COL22A1: variants seen among roughly 807,000 people sequenced by gnomAD.
The protein encoded by COL22A1 is collagen alpha-1(XXII) chain.
In COL22A1, 221 loss-of-function variants were observed where a neutral mutation model predicts 248.9. That is an observed-to-expected ratio of 0.89 (90% CI 0.80 to 0.99). The LOEUF is 0.99. Ranked by LOEUF, COL22A1 falls within the 50% of genes least tolerant of loss-of-function variation. The pLI is 0.00. For synonymous variants in COL22A1, 891 were observed against 793.4 expected (o/e 1.12, Z -2.07); for missense variants, 2,240 against 2,179.0 (o/e 1.03, Z -0.56).
intron 36 of COL22A1, among the ~76,000 whole-genome samples, chr8:138,690,343 G>A (rs970930256): frequency 2.0e-5 from 3 of 152,250 alleles, no homozygotes; most frequent in Non-Finnish European, 2.9e-5. Flanking sequence ...GCAGAATCTC[G>A]TCAGGCCAAA....
At chr8:138,631,754 G>A (rs566783592) in intron 49 of COL22A1, among the ~76,000 whole-genome samples, 6 of 152,160 alleles carry the variant, frequency 3.9e-5, no homozygotes, top group Non-Finnish European at 2.9e-5. Flanking sequence ...TCAGTGAAAG[G>A]TTTTCTGCCT....
intron 18 of COL22A1, among the ~76,000 whole-genome samples, chr8:138,758,295 G>A (rs139237931): frequency 9.7e-4 from 148 of 152,298 alleles, no homozygotes; most frequent in African/African-American, 3.5e-3. Context: ...AGGAGAGATC[G>A]TGAAGCAGAA....
chr8:138,770,893 C>T (rs1034171186), intron 16 of COL22A1, among the ~76,000 whole-genome samples: 8 of 152,222 alleles, frequency 5.3e-5, no homozygotes, highest in Non-Finnish European at 1.0e-4. Context: ...CTCTTTCTCT[C>T]TATCCTCAAA....
chr8:138,601,428 CG>C (rs1818000087), intron 60 of COL22A1, among the ~76,000 whole-genome samples: 1 of 151,978 alleles, frequency 6.6e-6, no homozygotes, highest in Admixed American at 6.6e-5. Flanking sequence ...GGAAAACAAG[CG>C]GGGGTGGGCT....
chr8:138,608,078 GT>G, intron 56 of COL22A1, 89 bp from the exon 57 acceptor site: 2 of 1,174,572 alleles, frequency 1.7e-6, no homozygotes, highest in Non-Finnish European at 1.2e-6. Flanking sequence ...ACAGGACTTG[GT>G]TTTACACAGA....
At chr8:138,657,034 T>G (rs559113548) in intron 44 of COL22A1, among the ~76,000 whole-genome samples, 2 of 152,210 alleles carry the variant, frequency 1.3e-5, no homozygotes, top group South Asian at 2.1e-4. Flanking sequence ...GCCTGAAACG[T>G]GCTGGTGGGG....
chr8:138,802,829 C>A (rs764104991), intron 11 of COL22A1, 43 bp downstream of exon 11: 4 of 1,531,280 alleles, frequency 2.6e-6, no homozygotes, highest in South Asian at 1.1e-5. Flanking sequence ...CCCCCACGCC[C>A]GCCCTGAGGT....
rs115704187 is a variant in COL22A1, at chr8:138,858,982, G to A, written c.659-14824C>T. Among the ~76,000 whole-genome samples, 808 of 152,214 alleles carry A rather than the reference G, an allele frequency of 5.3e-3. 11 individuals carry two copies. Among genetic ancestry groups the A allele is most frequent in the African/African-American group, 0.018 (750 of 41,548 alleles). ...CCAGGAGGCCAGGCCTCGTCCCAGC[G>A]TTGACCCTAAGTCACTCCATGTCTG... On this transcript the variant is annotated intron_variant, in intron 3 of 64. Coordinates refer to ENST00000303045, the MANE Select transcript of COL22A1 (RefSeq NM_152888.3).
intron 3 of COL22A1, among the ~76,000 whole-genome samples, chr8:138,850,179 G>T (rs1821525685): frequency 6.6e-6 from 1 of 152,076 alleles, no homozygotes. Context: ...GGAGATTCCT[G>T]GCTTGCATTT....
chr8:138,649,851 G>T, intron 45 of COL22A1, 73 bp from the exon 46 acceptor site: 1 of 899,966 alleles, frequency 1.1e-6, no homozygotes, highest in South Asian at 1.8e-5. Flanking sequence ...AAGCAAAGTA[G>T]CCCTGGCTGC....
At chr8:138,869,827 C>A (rs1823181988) in intron 3 of COL22A1, among the ~76,000 whole-genome samples, 1 of 152,172 alleles carries the variant, frequency 6.6e-6, no homozygotes, top group African/African-American at 2.4e-5. Context: ...GGCTCCAAAC[C>A]CACAACCCAC....
chr8:138,905,296 T>C (rs1814926421), intron 1 of COL22A1, among the ~76,000 whole-genome samples: 1 of 152,170 alleles, frequency 6.6e-6, no homozygotes, highest in Admixed American at 6.5e-5. Flanking sequence ...ATACCCCTTA[T>C]ACACTCATTT....
chr8:138,862,902 G>T (rs1822592925), intron 3 of COL22A1, among the ~76,000 whole-genome samples: 1 of 151,960 alleles, frequency 6.6e-6, no homozygotes, highest in South Asian at 2.1e-4. Context: ...CTGTATTAAT[G>T]CATTGAATCT....
chr8:138,838,309 C>T (rs940877363), intron 4 of COL22A1, among the ~76,000 whole-genome samples: 5 of 152,042 alleles, frequency 3.3e-5, no homozygotes, highest in African/African-American at 1.2e-4. Context: ...TCACAGGTGG[C>T]CTCAGCAGCC....
At chr8:138,782,196 A>G (rs1348178688) in intron 12 of COL22A1, among the ~76,000 whole-genome samples, 1 of 152,244 alleles carries the variant, frequency 6.6e-6, no homozygotes, top group Non-Finnish European at 1.5e-5. Flanking sequence ...ACATGAGTCC[A>G]TCTCAGCTGT....
intron 47 of COL22A1, among the ~76,000 whole-genome samples, chr8:138,643,822 C>G (rs1048563947): frequency 1.3e-5 from 2 of 152,166 alleles, no homozygotes; most frequent in Admixed American, 6.5e-5. Flanking sequence ...GCCTCAGCCT[C>G]CCAAGTAGCT....
chr8:138,648,080 G>T (rs1245966201), intron 46 of COL22A1, among the ~76,000 whole-genome samples: 1 of 152,210 alleles, frequency 6.6e-6, no homozygotes, highest in African/African-American at 2.4e-5. Context: ...GATAAAACAT[G>T]ATACAAGAAA....
chr8:138,660,184 C>T (rs1823688951), intron 44 of COL22A1, among the ~76,000 whole-genome samples: 1 of 152,196 alleles, frequency 6.6e-6, no homozygotes, highest in South Asian at 2.1e-4. Context: ...GACCCATGAC[C>T]GAGCTCCTAT....
intron 1 of COL22A1, among the ~76,000 whole-genome samples, chr8:138,900,534 G>A (rs968611351): frequency 6.6e-6 from 1 of 152,214 alleles, no homozygotes; most frequent in Non-Finnish European, 1.5e-5. Flanking sequence ...TCCTTAAGAA[G>A]AGGCTGCATG....
Sources: gnomAD v4.1 joint callset for allele counts (sites outside exome capture counted in the v4.1 genomes callset) on GRCh38, gnomAD v4.1.1 for gene constraint, MANE v1.5 for transcripts, NCBI Gene and HGNC (gene_info 2026-07-23, HGNC 2026-07-21) for gene names.